Variants in ZNF444 observed in about 807,000 individuals in gnomAD.
ZNF444 encodes endothelial zinc finger protein 2.
A neutral mutation model predicts 14.4 loss-of-function variants in ZNF444; 8 were observed. That is an observed-to-expected ratio of 0.56 (90% CI 0.33 to 1.00). The LOEUF (loss-of-function observed/expected upper bound fraction) is 1.00. ZNF444 is among the 50% of genes least tolerant of loss of function. ZNF444 has a pLI of 0.03. For missense variants in ZNF444, 510 were observed against 504.8 expected (o/e 1.01, Z -0.10); for synonymous variants, 258 against 235.9 (o/e 1.09, Z -0.86).
At position 56,157,238 on chromosome 19, in the gene ZNF444, A is replaced by G. The variant is rs572618662; in HGVS notation, c.298-1256A>G. 5.2e-5 allele frequency: 8 copies of G among 152,492 alleles called. No individual in the cohort carries two copies. In the East Asian group the frequency reaches 1.5e-3, roughly 29 times the overall value. 9.4% of individuals were successfully genotyped at this position (152,492 alleles called of 1,614,324 possible). A position where few individuals can be genotyped will look rare whatever the true frequency, so the allele number is the denominator to read the frequency against. On this transcript the variant is annotated intron_variant, in intron 3 of 4. Coordinates refer to ENST00000337080, the MANE Select transcript of ZNF444 (RefSeq NM_018337.4). ...CCCACAGCCAGGTTGCGAGGCACCT[A>G]GGATCTAGTCAGCGTTGTGCCAAGC...
chr19:56,159,557 C>G (rs1398627507), intron 4 of ZNF444, 67 bp from the exon 5 acceptor site: 9 of 1,359,450 alleles, frequency 6.6e-6, no homozygotes, highest in Non-Finnish European at 4.8e-6. Context: ...CTGCCTCCAC[C>G]CCAGCCTGTG....
At chr19:56,136,578 G>A (rs1183521386), upstream of ZNF444, among the ~76,000 whole-genome samples, 1 of 152,164 alleles carries the variant, frequency 6.6e-6, no homozygotes, top group Non-Finnish European at 1.5e-5. Context: ...TCCCTGCCAG[G>A]TAGCCTTCCG....
At position 56,144,539 on chromosome 19, in the gene ZNF444, C is replaced by T. The variant is rs934511045; in HGVS notation, c.-196-1708C>T. On this transcript the variant is annotated intron_variant, in intron 1 of 4. Coordinates refer to ENST00000337080, the MANE Select transcript of ZNF444 (RefSeq NM_018337.4). This position sits in a 1 kb window ranked among gnomAD's most constrained non-coding sequence, Gnocchi z 4.0. The stretch of plus-strand genomic sequence containing the variant: ...TGTGGAGTGATTTGGCTCTAGGTGG[C>T]GAGAGTAGGCATACACGGGTCTTGT... Among the ~76,000 whole-genome samples the T allele has an allele frequency of 6.6e-6, 1 of 151,912 alleles. No homozygotes were observed. The highest frequency in any genetic ancestry group is 2.4e-5 in the African/African-American group (1 of 41,356).
chr19:56,136,422 C>A (rs1345377185), upstream of ZNF444, among the ~76,000 whole-genome samples: 2 of 152,180 alleles, frequency 1.3e-5, no homozygotes, highest in African/African-American at 4.8e-5. Context: ...GCTGAGCAGA[C>A]AATAGCCAGT....
chr19:56,155,430 C>T (rs75895769), intron 3 of ZNF444: 15,027 of 152,586 alleles, frequency 0.098, 1,226 homozygotes, highest in African/African-American at 0.22. Context: ...ATGGCCCAGA[C>T]CCCCAACCCT....
rs2032048828 is a variant in ZNF444 at position 56,158,544 on chromosome 19, T to G, written c.348T>G (p.Asp116Glu). ...DGSSATRVPQ[D>E]VTQGPGATGG... The stretch of plus-strand genomic sequence containing the variant: ...CGTCAGCAACGAGGGTGCCTCAGGA[T>G]GTGACGCAGGGCCCTGGGGCCACAG... The change falls in exon 4 of 5, where the codon GAT becomes GAG. Residue 116 changes from aspartate to glutamate, a missense_variant. Asp to Glu is a conservative substitution (Grantham distance 45, BLOSUM62 2). Coordinates refer to ENST00000337080, the MANE Select transcript of ZNF444 (RefSeq NM_018337.4). 6.2e-7 allele frequency: 1 copy of G among 1,611,964 alleles called. No homozygotes were observed. The highest frequency in any genetic ancestry group is 1.3e-5 in the African/African-American group (1 of 74,906).
rs753625084 is a variant in ZNF444 at position 56,159,708 on chromosome 19, C to G, written c.491C>G (p.Pro164Arg). The change falls in exon 5 of 5, where the codon CCG becomes CGG. Residue 164 changes from proline (P) to arginine (R), a missense_variant. Physicochemically the swap from Pro to Arg is moderately radical, Grantham distance 103. Transcript: ENST00000337080. ...RPYKQEPSSP[P>R]LAPGLPAFLA... The stretch of plus-strand genomic sequence containing the variant: ...TACAAGCAGGAGCCCAGCAGCCCCC[C>G]GCTGGCGCCTGGCCTGCCCGCCTTC... 3.9e-6 allele frequency: 6 copies of G among 1,551,932 alleles called. No homozygotes were observed. The highest frequency in any genetic ancestry group is 1.9e-5 in the Admixed American group (1 of 52,702).
Position 56,145,235 on chromosome 19 carries a change from C to T in ZNF444, c.-196-1012C>T, listed in dbSNP as rs1283358941. ...TTGATGGGAGTCATATCTATTGTTA[C>T]GTATCATAGTAGAAACCAAAACAGA... On this transcript the variant is annotated intron_variant, in intron 1 of 4. Transcript: ENST00000337080. The surrounding 1 kb of genome is among the most constrained non-coding windows in gnomAD (Gnocchi z 4.3). Among the ~76,000 whole-genome samples the T allele has an allele frequency of 1.3e-5, 2 of 152,206 alleles. No individual in the cohort carries two copies. Among genetic ancestry groups the T allele is most frequent in the Non-Finnish European group, 1.5e-5 (1 of 68,048 alleles).
upstream of ZNF444, among the ~76,000 whole-genome samples, chr19:56,139,352 G>A (rs2030686500): frequency 6.6e-6 from 1 of 152,058 alleles, no homozygotes; most frequent in South Asian, 2.1e-4. Context: ...TGAAGACAGA[G>A]CCAATAGGAC....
intron 1 of ZNF444, among the ~76,000 whole-genome samples, chr19:56,135,699 A>G (rs1177415572): frequency 1.3e-5 from 2 of 151,850 alleles, no homozygotes; most frequent in Admixed American, 6.6e-5. Context: ...TTCAGGTTTC[A>G]TTAGCCAGAA....
intron 3 of ZNF444, chr19:56,156,055 G>A (rs2031884575): frequency 6.6e-6 from 1 of 152,240 alleles, no homozygotes; most frequent in Non-Finnish European, 1.5e-5. Context: ...ATTTGCTAGT[G>A]TGCTCACAGA....
intron 1 of ZNF444, among the ~76,000 whole-genome samples, chr19:56,133,480 C>A (rs1254550616): frequency 1.3e-5 from 2 of 152,100 alleles, no homozygotes; most frequent in African/African-American, 4.8e-5. Context: ...GGAAAGTACA[C>A]CTGCTCCACT....
upstream of ZNF444, among the ~76,000 whole-genome samples, chr19:56,136,935 T>C (rs1250837170): frequency 2.0e-5 from 3 of 151,866 alleles, no homozygotes; most frequent in Admixed American, 6.6e-5. Context: ...GATGCACCAC[T>C]ACACCCAGCT....
Position 56,148,242 on chromosome 19 carries a change from G to T in ZNF444, c.297+1034G>T, listed in dbSNP as rs545111744. Among the ~76,000 whole-genome samples, 14 of 152,314 alleles carry T rather than the reference G, an allele frequency of 9.2e-5. No homozygotes were observed. The South Asian group carries it at 2.5e-3, about 27-fold the overall frequency. Reference sequence around the variant, plus strand: ...GCAGCCACGCAGAGACCTCTGAGAAGAGTGGTCCAGGCCACGAGAGCAGCC... The same window carrying T: ...GCAGCCACGCAGAGACCTCTGAGAATAGTGGTCCAGGCCACGAGAGCAGCC... On this transcript the variant is annotated intron_variant, in intron 3 of 4. Coordinates refer to ENST00000337080, the MANE Select transcript of ZNF444 (RefSeq NM_018337.4).
chr19:56,140,059 G>A (rs965724053), upstream of ZNF444, among the ~76,000 whole-genome samples: 1 of 152,204 alleles, frequency 6.6e-6, no homozygotes, highest in East Asian at 1.9e-4. Context: ...TGGGCAAACT[G>A]GTCACAAAGT....
chr19:56,138,985 C>CG (rs1473814014), upstream of ZNF444, among the ~76,000 whole-genome samples: 2 of 151,408 alleles, frequency 1.3e-5, no homozygotes, highest in Non-Finnish European at 2.9e-5. Flanking sequence ...TTAGTAGAGA[C>CG]GGGGTTTCAC....
chr19:56,153,767 T>G (rs1267896215), intron 3 of ZNF444, among the ~76,000 whole-genome samples: 1 of 152,100 alleles, frequency 6.6e-6, no homozygotes, highest in Non-Finnish European at 1.5e-5. Flanking sequence ...CAGTACCTGG[T>G]TAGCTTGACA....
chr19:56,137,012 A>T (rs1599983390), upstream of ZNF444, among the ~76,000 whole-genome samples: 1 of 150,538 alleles, frequency 6.6e-6, no homozygotes, highest in Non-Finnish European at 1.5e-5. Flanking sequence ...CAAGCTCCCG[A>T]CCTCAGGTAA....
chr19:56,133,538 C>G (rs1037390326), intron 1 of ZNF444, among the ~76,000 whole-genome samples: 1 of 151,780 alleles, frequency 6.6e-6, no homozygotes, highest in Non-Finnish European at 1.5e-5. Flanking sequence ...TCAGGCCGGG[C>G]GCGATGGCTC....
Sources: gnomAD v4.1 joint callset for allele counts (sites outside exome capture counted in the v4.1 genomes callset) on GRCh38, gnomAD v4.1.1 for gene constraint, Gnocchi (gnomAD v3.1) non-coding constraint, MANE v1.5 for transcripts, NCBI Gene and HGNC (gene_info 2026-07-23, HGNC 2026-07-21) for gene names.